PTPRO: variants seen among roughly 807,000 people sequenced by gnomAD.
The protein encoded by PTPRO is receptor-type tyrosine-protein phosphatase O.
In PTPRO, 62 loss-of-function variants were observed where a neutral mutation model predicts 145.2. That is an observed-to-expected ratio of 0.43 (90% CI 0.35 to 0.53). The LOEUF is 0.53. Among genes scored for constraint, PTPRO ranks in the 20% least tolerant of loss-of-function variants. The pLI is 0.01. For synonymous variants in PTPRO, 565 were observed against 514.7 expected, an observed-to-expected ratio of 1.10 and a Z score of -1.32; for missense variants, 1,345 against 1,482.7, an observed-to-expected ratio of 0.91 and a Z score of 1.53.
chr12:15,382,142 G>A (rs1049408802), intron 1 of PTPRO, among the ~76,000 whole-genome samples: 1 of 147,258 alleles, frequency 6.8e-6, no homozygotes, highest in African/African-American at 2.5e-5. Context: ...AAGAGAGATG[G>A]CATCCAAAAA....
chr12:15,421,149 C>A (rs1156468096), intron 1 of PTPRO, among the ~76,000 whole-genome samples: 1 of 152,076 alleles, frequency 6.6e-6, no homozygotes, highest in Non-Finnish European at 1.5e-5. Context: ...CCTTTAAATG[C>A]TTCTCTAAAC....
intron 1 of PTPRO, among the ~76,000 whole-genome samples, chr12:15,400,291 GCC>G (rs200251920): frequency 0.019 from 2,854 of 151,990 alleles, 49 homozygotes; most frequent in Non-Finnish European, 0.03. Flanking sequence ...GTGCCAATGT[GCC>G]CCATTTTCTT....
intron 19 of PTPRO, among the ~76,000 whole-genome samples, chr12:15,572,890 T>C (rs1463132913): frequency 6.6e-6 from 1 of 152,138 alleles, no homozygotes; most frequent in Non-Finnish European, 1.5e-5. Context: ...ATGCTAACAG[T>C]ATTTTATGGA....
At chr12:15,509,088 A>G (rs547411624) in intron 7 of PTPRO, among the ~76,000 whole-genome samples, 2 of 152,362 alleles carry the variant, frequency 1.3e-5, no homozygotes, top group East Asian at 3.9e-4. Context: ...AGAGCTTGTA[A>G]TCTAATGAGA....
At chr12:15,393,279 A>T (rs1939241296) in intron 1 of PTPRO, among the ~76,000 whole-genome samples, 1 of 152,194 alleles carries the variant, frequency 6.6e-6, no homozygotes, top group African/African-American at 2.4e-5. Context: ...TTTGTCATTT[A>T]GTCACAGGGA....
In PTPRO at chr12:15,501,633, T is replaced by C. The variant is rs768626845; in HGVS notation, c.675T>C (p.Pro225=). 1.2e-6 allele frequency: 2 copies of C among 1,613,514 alleles called. No homozygotes were observed. Among genetic ancestry groups the C allele is most frequent in the South Asian group, 2.2e-5 (2 of 91,064 alleles). ...TCTCTCTTACAGCCCCTTATCCACCTCAAAATATTTCCGTTCGTATCGTAA... is the reference window on the plus strand; with the variant it reads ...TCTCTCTTACAGCCCCTTATCCACCCCAAAATATTTCCGTTCGTATCGTAA... ...PKQHRTAPYP[P]QNISVRIVNL... is the part of the protein sequence containing the mutation. The change falls in exon 5 of 27, where the codon CCT becomes CCC. Residue 225 remains proline, a synonymous_variant. Coordinates refer to ENST00000281171, the MANE Select transcript of PTPRO (RefSeq NM_030667.3).
intron 12 of PTPRO, among the ~76,000 whole-genome samples, chr12:15,532,442 A>T (rs181349526): frequency 6.6e-6 from 1 of 152,244 alleles, no homozygotes; most frequent in Admixed American, 6.5e-5. Context: ...GGGACATGGG[A>T]CAATTTGTCT....
intron 1 of PTPRO, among the ~76,000 whole-genome samples, chr12:15,350,844 A>G (rs943096707): frequency 2.6e-5 from 4 of 152,244 alleles, no homozygotes; most frequent in Admixed American, 6.5e-5. Flanking sequence ...AGCTGCGGAC[A>G]TGTGGCTGAG....
At chr12:15,465,512 T>C (rs1941396576) in intron 1 of PTPRO, among the ~76,000 whole-genome samples, 1 of 152,198 alleles carries the variant, frequency 6.6e-6, no homozygotes, top group Non-Finnish European at 1.5e-5. Flanking sequence ...AAGAACAATC[T>C]GCCAATTAGT....
In PTPRO at chr12:15,345,371, A is replaced by G. The variant is rs1014995653; in HGVS notation, c.75+22570A>G. Among the ~76,000 whole-genome samples the G allele has an allele frequency of 2.0e-5, 3 of 152,328 alleles. No individual in the cohort carries two copies. The South Asian group carries it at 6.2e-4, about 32-fold the overall frequency. On this transcript the variant is annotated intron_variant, in intron 1 of 26. Transcript: ENST00000281171. ...TTGGAACCAACCTAAATGCCCATCAATGATAGACTGGATGAAGAAAATGTG... is the reference window on the plus strand; with the variant it reads ...TTGGAACCAACCTAAATGCCCATCAGTGATAGACTGGATGAAGAAAATGTG...
chr12:15,560,180 T>A lies in PTPRO; in HGVS notation c.2628-13T>A, dbSNP rs564473574. On this transcript the variant is annotated splice_polypyrimidine_tract_variant and intron_variant, in intron 16 of 26. Transcript: ENST00000281171. ...TTTTCATCTTTCCATCTGTTGTCTA[T>A]TAATGCACACAGGCGTAGGAGTATA... is the stretch of plus-strand genomic sequence containing the variant. The A allele has an allele frequency of 6.4e-6, 10 of 1,552,168 alleles. No individual in the cohort carries two copies. In the Admixed American group the frequency reaches 1.0e-4, roughly 16 times the overall value.
intron 1 of PTPRO, among the ~76,000 whole-genome samples, chr12:15,404,040 C>CA (rs1430133435): frequency 6.6e-6 from 1 of 151,158 alleles, no homozygotes; most frequent in Non-Finnish European, 1.5e-5. Context: ...ACTAAAAATA[C>CA]AAAAAAATAG....
At chr12:15,418,662 T>C (rs573745157) in intron 1 of PTPRO, among the ~76,000 whole-genome samples, 1 of 151,858 alleles carries the variant, frequency 6.6e-6, no homozygotes, top group African/African-American at 2.4e-5. Flanking sequence ...TTTTGTGGAA[T>C]GCACAGAATG....
intron 1 of PTPRO, among the ~76,000 whole-genome samples, chr12:15,401,279 A>C (rs925571901): frequency 1.3e-5 from 2 of 152,228 alleles, no homozygotes; most frequent in African/African-American, 4.8e-5. Flanking sequence ...TCCACTTACG[A>C]ATCACTGCTA....
Position 15,581,325 on chromosome 12 carries a change from G to C in PTPRO, c.3133-354G>C, listed in dbSNP as rs1376925100. ...TTTTTTTTTTTTTTTTTTTGAGACG[G>C]AGTCTCGTTCTGTTGCCCAGGCTGG... is the stretch of plus-strand genomic sequence containing the variant. On this transcript the variant is annotated intron_variant, in intron 22 of 26. Coordinates refer to ENST00000281171, the MANE Select transcript of PTPRO (RefSeq NM_030667.3). Among the ~76,000 whole-genome samples the C allele has an allele frequency of 7.6e-5, 11 of 145,358 alleles. No homozygotes were observed. The Admixed American group carries it at 7.6e-4, about 10-fold the overall frequency.
intron 12 of PTPRO, among the ~76,000 whole-genome samples, chr12:15,543,687 T>C (rs2135543891): frequency 6.6e-6 from 1 of 152,350 alleles, no homozygotes; most frequent in African/African-American, 2.4e-5. Context: ...TAATAGGATC[T>C]ACTAGAATCA....
chr12:15,486,049 G>A (rs1186961420), intron 2 of PTPRO, among the ~76,000 whole-genome samples: 2 of 152,032 alleles, frequency 1.3e-5, no homozygotes, highest in African/African-American at 2.4e-5. Flanking sequence ...AATAAGTACC[G>A]ACCAGGTCAC....
chr12:15,578,496 T>A (rs1226954513), intron 19 of PTPRO, among the ~76,000 whole-genome samples: 1 of 152,208 alleles, frequency 6.6e-6, no homozygotes, highest in Non-Finnish European at 1.5e-5. Context: ...CATGGGTCTG[T>A]GGAACAGCTG....
intron 1 of PTPRO, among the ~76,000 whole-genome samples, chr12:15,368,683 A>G (rs543422943): frequency 6.6e-6 from 1 of 152,282 alleles, no homozygotes; most frequent in East Asian, 1.9e-4. Context: ...CTCTAGATAA[A>G]TTTCTCCAAA....
Sources: allele counts gnomAD v4.1 joint callset (sites outside exome capture counted in the v4.1 genomes callset), GRCh38; gene constraint gnomAD v4.1.1; transcripts MANE v1.5; gene names NCBI Gene and HGNC (gene_info 2026-07-23, HGNC 2026-07-21).